Variants in CCBE1 observed in about 807,000 individuals in gnomAD.
CCBE1 encodes the protein collagen and calcium binding EGF domains 1, also known as collagen and calcium-binding EGF domain-containing protein 1.
CCBE1 carries 37 observed loss-of-function variants against 50.0 expected under a neutral mutation model. The observed-to-expected ratio is 0.74, with a 90% CI of 0.57 to 0.97. The LOEUF is 0.97. Among genes scored for constraint, CCBE1 ranks in the 50% least tolerant of loss-of-function variants. The pLI is 0.00. For synonymous variants in CCBE1, 234 were observed against 203.7 expected (o/e 1.15, Z -1.27); for missense variants, 538 against 523.8 (o/e 1.03, Z -0.26).
chr18:59,513,106 G>A (rs936077854), intron 2 of CCBE1, among the ~76,000 whole-genome samples: 11 of 152,232 alleles, frequency 7.2e-5, no homozygotes, highest in Admixed American at 3.9e-4. Flanking sequence ...TCAGGAGCTC[G>A]AGACCAGCCC....
intron 3 of CCBE1, among the ~76,000 whole-genome samples, chr18:59,477,489 T>TGGCA (rs1912363463): frequency 3.9e-5 from 6 of 152,154 alleles, no homozygotes. Flanking sequence ...AAAAGCCCTG[T>TGGCA]AAATTGTCAT....
chr18:59,538,196 G>A (rs528515655), intron 2 of CCBE1, among the ~76,000 whole-genome samples: 25 of 152,236 alleles, frequency 1.6e-4, no homozygotes, highest in East Asian at 1.2e-3. Context: ...GCTATAGAGC[G>A]GGTGAGTTCA....
intron 2 of CCBE1, among the ~76,000 whole-genome samples, chr18:59,553,676 G>T (rs1473176537): frequency 6.6e-6 from 1 of 152,192 alleles, no homozygotes; most frequent in African/African-American, 2.4e-5. Flanking sequence ...CACTTTAGGT[G>T]CTCTGTAGGC....
At chr18:59,656,577 C>T (rs1427970781) in intron 2 of CCBE1, among the ~76,000 whole-genome samples, 4 of 152,184 alleles carry the variant, frequency 2.6e-5, no homozygotes, top group Non-Finnish European at 5.9e-5. Context: ...ACATGAATTC[C>T]AGGTCATTAG....
chr18:59,667,297 T>C (rs1413973591), intron 2 of CCBE1, among the ~76,000 whole-genome samples: 1 of 152,098 alleles, frequency 6.6e-6, no homozygotes, highest in Non-Finnish European at 1.5e-5. Flanking sequence ...TAAATAAAGT[T>C]ACAGGGTACA....
At chr18:59,520,453 C>T (rs141774633) in intron 2 of CCBE1, among the ~76,000 whole-genome samples, 2 of 152,092 alleles carry the variant, frequency 1.3e-5, no homozygotes, top group Admixed American at 6.5e-5. Flanking sequence ...TTATGTTGAC[C>T]TCTTTGATTT....
chr18:59,647,340 T>A (rs1046411858), intron 2 of CCBE1, among the ~76,000 whole-genome samples: 8 of 152,168 alleles, frequency 5.3e-5, no homozygotes, highest in African/African-American at 1.9e-4. Flanking sequence ...GAAAAAAATA[T>A]GTACCCACAG....
intron 2 of CCBE1, among the ~76,000 whole-genome samples, chr18:59,638,145 CAG>C (rs968067306): frequency 2.6e-5 from 4 of 152,126 alleles, no homozygotes; most frequent in African/African-American, 4.8e-5. Context: ...CTTAGGAATG[CAG>C]AGTTTGTTTA....
intron 3 of CCBE1, among the ~76,000 whole-genome samples, chr18:59,478,648 G>T (rs1006369310): frequency 1.3e-5 from 2 of 152,216 alleles, no homozygotes; most frequent in African/African-American, 2.4e-5. Context: ...AATATTGAAA[G>T]AAACTCTAAG....
chr18:59,509,599 A>T, intron 2 of CCBE1, among the ~76,000 whole-genome samples: 1 of 152,206 alleles, frequency 6.6e-6, no homozygotes, highest in East Asian at 1.9e-4. Flanking sequence ...CACACACTGA[A>T]ACACAAATTT....
chr18:59,667,382 G>A (rs371170004), intron 2 of CCBE1, among the ~76,000 whole-genome samples: 1 of 152,254 alleles, frequency 6.6e-6, no homozygotes, highest in Non-Finnish European at 1.5e-5. Context: ...GGCCAAGGAG[G>A]AAGGTTTTGT....
chr18:59,697,119 T>G (rs532467369), intron 1 of CCBE1, 93 bp downstream of exon 1: 21 of 1,508,016 alleles, frequency 1.4e-5, no homozygotes, highest in Non-Finnish European at 1.5e-5. Context: ...CGGATCGCTG[T>G]GGGAGTGGGC....
At chr18:59,642,643 A>G (rs2054004305) in intron 2 of CCBE1, among the ~76,000 whole-genome samples, 1 of 152,228 alleles carries the variant, frequency 6.6e-6, no homozygotes, top group African/African-American at 2.4e-5. Context: ...ACTGCATCAA[A>G]GGAATGATTC....
chr18:59,608,741 C>G (rs1000115923), intron 2 of CCBE1, among the ~76,000 whole-genome samples: 19 of 152,164 alleles, frequency 1.2e-4, no homozygotes, highest in Non-Finnish European at 2.8e-4. Flanking sequence ...CTCTTCTACA[C>G]GGAGTCTTTC....
chr18:59,471,844 C>A (rs1598930148), intron 3 of CCBE1, among the ~76,000 whole-genome samples: 1 of 152,248 alleles, frequency 6.6e-6, no homozygotes, highest in Non-Finnish European at 1.5e-5. Context: ...AGCCTAATAT[C>A]AGCCTTTCTC....
intron 2 of CCBE1, among the ~76,000 whole-genome samples, chr18:59,631,050 G>T (rs1240518082): frequency 6.6e-6 from 1 of 152,038 alleles, no homozygotes; most frequent in East Asian, 1.9e-4. Context: ...TTTCTTTTGG[G>T]GAATGATGAC....
intron 2 of CCBE1, among the ~76,000 whole-genome samples, chr18:59,654,651 G>C (rs543352128): frequency 1.3e-5 from 2 of 151,704 alleles, no homozygotes; most frequent in African/African-American, 4.8e-5. Flanking sequence ...AATTAGCCGG[G>C]CATGGTCGCA....
chr18:59,468,378 C>G (rs1304996854), intron 4 of CCBE1, among the ~76,000 whole-genome samples: 1 of 152,094 alleles, frequency 6.6e-6, no homozygotes, highest in Non-Finnish European at 1.5e-5. Flanking sequence ...GAGTGTGACC[C>G]TGTCTCAAAA....
At chr18:59,438,030 A>G in intron 10 of CCBE1, 81 bp downstream of exon 10, 9 of 1,462,700 alleles carry the variant, frequency 6.2e-6, no homozygotes, top group African/African-American at 1.4e-5. Flanking sequence ...GGCTTTTGCT[A>G]CTAGACCAAC....
Sources: gnomAD v4.1 joint callset for allele counts (sites outside exome capture counted in the v4.1 genomes callset) on GRCh38, gnomAD v4.1.1 for gene constraint, MANE v1.5 for transcripts, NCBI Gene and HGNC (gene_info 2026-07-23, HGNC 2026-07-21) for gene names.